UBR4: variants seen among roughly 807,000 people sequenced by gnomAD.
UBR4 encodes the protein E3 ubiquitin-protein ligase UBR4.
A neutral mutation model predicts 575.6 loss-of-function variants in UBR4; 124 were observed. The ratio of observed to expected loss-of-function variants is 0.22; its 90% confidence interval spans 0.19 to 0.25. UBR4 has a LOEUF of 0.25. UBR4 is among the 10% of genes least tolerant of loss of function. The pLI is 1.00. For synonymous variants in UBR4, 2,455 were observed against 2,473.7 expected (o/e 0.99, Z 0.22); for missense variants, 4,818 against 6,478.8 (o/e 0.74, Z 8.80).
intron 60 of UBR4, among the ~76,000 whole-genome samples, chr1:19,135,652 T>C (rs7525201): frequency 0.58 from 87,506 of 151,902 alleles, 25,583 homozygotes; most frequent in East Asian, 0.76. Context: ...TCAAGAAATT[T>C]ATAAATAATT....
In UBR4 at chr1:19,160,078, A is replaced by C; in HGVS notation, c.5577+33T>G. On this transcript the variant is annotated intron_variant, in intron 39 of 105. Coordinates refer to ENST00000375254, the MANE Select transcript of UBR4 (RefSeq NM_020765.3). ...TCTCAATAAATTTGTTGGTTCCCAC[A>C]GCCACCAAACATCATGGCCCCAAGA... The C allele has an allele frequency of 1.9e-6, 3 of 1,593,912 alleles. No homozygotes were observed. In the Middle Eastern group the frequency reaches 5.2e-4, roughly 274 times the overall value.
intron 62 of UBR4, 118 bp downstream of exon 62, chr1:19,128,093 C>A: frequency 2.1e-6 from 2 of 966,556 alleles, no homozygotes; most frequent in Non-Finnish European, 1.6e-6. Flanking sequence ...CAGAATGCAG[C>A]CCTCAGTGGA....
chr1:19,190,351 T>C lies in UBR4; in HGVS notation c.1394+1837A>G, dbSNP rs1407583424. On this transcript the variant is annotated intron_variant, in intron 11 of 105. Transcript: ENST00000375254. ...TATATTTGTATGGATACCTAGTTCA[T>C]GTCTCTTGAGAATATGTCCATTTTT... Among the ~76,000 whole-genome samples, 9 of 145,630 alleles carry C rather than the reference T, an allele frequency of 6.2e-5. No homozygotes were observed. In the South Asian group the frequency reaches 6.5e-4, roughly 11 times the overall value.
At chr1:19,190,312 A>AAAATATATATAT in intron 11 of UBR4, among the ~76,000 whole-genome samples, 9 of 79,874 alleles carry the variant, frequency 1.1e-4, no homozygotes, top group African/African-American at 3.2e-4. Context: ...AAAAAAAAAA[A>AAAATATATATAT]ATATATATAT....
chr1:19,196,862 C>T (rs905000947), intron 8 of UBR4, among the ~76,000 whole-genome samples: 11 of 152,228 alleles, frequency 7.2e-5, no homozygotes, highest in Non-Finnish European at 1.2e-4. Context: ...CTCAATATCT[C>T]AACAGTCTTA....
intron 33 of UBR4, 141 bp downstream of exon 33, chr1:19,164,112 A>G: frequency 1.1e-6 from 1 of 949,978 alleles, no homozygotes; most frequent in Non-Finnish European, 1.6e-6. Context: ...GAACAGAGCT[A>G]TTTGCTACCC....
intron 6 of UBR4, 54 bp downstream of exon 6, chr1:19,197,893 A>C (rs2092554683): frequency 6.2e-7 from 1 of 1,612,454 alleles, no homozygotes; most frequent in African/African-American, 1.3e-5. Flanking sequence ...AGCACACTTA[A>C]GGAATTTTTG....
chr1:19,154,327 G>T (rs2086145996), intron 44 of UBR4, among the ~76,000 whole-genome samples: 1 of 152,192 alleles, frequency 6.6e-6, no homozygotes, highest in South Asian at 2.1e-4. Flanking sequence ...CCCAAACCAT[G>T]TAATTCCCAA....
chr1:19,182,686 T>C (rs914743086), intron 17 of UBR4, among the ~76,000 whole-genome samples: 1 of 152,174 alleles, frequency 6.6e-6, no homozygotes, highest in Non-Finnish European at 1.5e-5. Context: ...GGTATCTCAT[T>C]GTGGTTTTGA....
rs145983445 is a variant in UBR4 at position 19,087,824 on chromosome 1, T to G, written c.14536A>C (p.Lys4846Gln). Residue 4846 changes from lysine to glutamine, a missense_variant, in exon 99 of 106, where the codon AAG becomes CAG. Coordinates refer to ENST00000375254, the MANE Select transcript of UBR4 (RefSeq NM_020765.3). ...LTCCICREGYKFQPTKVLGIY... is the reference protein window; with the variant it reads ...LTCCICREGYQFQPTKVLGIY... ...AGGCCCAGCAGCTGTACCTGGAACT[T>G]GTATCCCTCCCTGCAGATGCAGCAC... is the stretch of plus-strand genomic sequence containing the variant. 6.8e-6 allele frequency: 11 copies of G among 1,609,482 alleles called. No individual in the cohort carries two copies. The highest frequency in any genetic ancestry group is 9.3e-6 in the Non-Finnish European group (11 of 1,177,730).
chr1:19,142,834 A>G (rs1042536464), intron 55 of UBR4, among the ~76,000 whole-genome samples: 1 of 152,224 alleles, frequency 6.6e-6, no homozygotes, highest in Admixed American at 6.5e-5. Context: ...AGAAAATTTA[A>G]AAGTACAGGC....
chr1:19,169,641 C>A, intron 26 of UBR4, 109 bp from the exon 27 acceptor site: 1 of 779,854 alleles, frequency 1.3e-6, no homozygotes, highest in South Asian at 2.0e-5. Context: ...CCCAGGCTGT[C>A]AAAATAATTA....
intron 104 of UBR4, among the ~76,000 whole-genome samples, chr1:19,077,372 GC>G (rs1433421855): frequency 1.3e-5 from 2 of 152,214 alleles, no homozygotes; most frequent in Admixed American, 1.3e-4. Flanking sequence ...GAGAGACCCG[GC>G]GGGGAAGGTC....
At chr1:19,131,980 G>A in intron 60 of UBR4, among the ~76,000 whole-genome samples, 1 of 152,134 alleles carries the variant, frequency 6.6e-6, no homozygotes, top group East Asian at 1.9e-4. Context: ...ATTCCCAAAT[G>A]TTTAGAAATT....
At chr1:19,210,030 TC>T (rs750223674) in intron 1 of UBR4, 42 bp downstream of exon 1, 82 of 1,496,148 alleles carry the variant, frequency 5.5e-5, no homozygotes, top group Non-Finnish European at 4.5e-6. Flanking sequence ...CGAAATCCCC[TC>T]CCCCCACAAC....
At chr1:19,134,146 C>CT (rs2082908993) in intron 60 of UBR4, among the ~76,000 whole-genome samples, 1 of 150,148 alleles carries the variant, frequency 6.7e-6, no homozygotes, top group Admixed American at 6.6e-5. Context: ...TGGCAAGCAC[C>CT]TAGCTACTCA....
At chr1:19,208,514 G>A (rs1052053185) in intron 1 of UBR4, among the ~76,000 whole-genome samples, 1 of 148,918 alleles carries the variant, frequency 6.7e-6, no homozygotes, top group Non-Finnish European at 1.5e-5. Context: ...CAATAAATGC[G>A]TTACCAAAGA....
At chr1:19,166,761 C>T (rs568903069) in intron 29 of UBR4, among the ~76,000 whole-genome samples, 1 of 130,122 alleles carries the variant, frequency 7.7e-6, no homozygotes, top group East Asian at 2.2e-4. Context: ...AAAAAACCAG[C>T]TGGGCATGGT....
intron 97 of UBR4, among the ~76,000 whole-genome samples, chr1:19,091,280 T>C (rs2077488341): frequency 6.6e-6 from 1 of 152,136 alleles, no homozygotes; most frequent in Non-Finnish European, 1.5e-5. Context: ...TCCACAAATA[T>C]ATACAATTAT....
Sources: gnomAD v4.1 joint callset for allele counts (sites outside exome capture counted in the v4.1 genomes callset) on GRCh38, gnomAD v4.1.1 for gene constraint, MANE v1.5 for transcripts, NCBI Gene and HGNC (gene_info 2026-07-23, HGNC 2026-07-21) for gene names.